The following COP1 variants were observed in gnomAD, a reference collection of about 807,000 sequenced individuals.
COP1 encodes E3 ubiquitin-protein ligase COP1.
A neutral mutation model predicts 101.3 loss-of-function variants in COP1; 24 were observed. The ratio of observed to expected loss-of-function variants is 0.24; its 90% CI spans 0.17 to 0.33. COP1 has a LOEUF of 0.33. COP1 is among the 10% of genes least tolerant of loss of function. The probability of loss-of-function intolerance (pLI) is 1.00; values close to 1 mark genes in which losing one functional copy is unlikely to be tolerated. For synonymous variants in COP1, 347 were observed against 341.9 expected, an observed-to-expected ratio of 1.01 and a Z score of -0.17; for missense variants, 663 against 906.2, an observed-to-expected ratio of 0.73 and a Z score of 3.45.
chr1:175,957,364 A>G (rs1650783231), intron 18 of COP1, among the ~76,000 whole-genome samples: 1 of 151,982 alleles, frequency 6.6e-6, no homozygotes, highest in Admixed American at 6.6e-5. Context: ...TTCTGTGTTT[A>G]GATACACAAA....
In COP1 at chr1:175,995,096, A is replaced by C. The variant is rs183055299; in HGVS notation, c.1730-5617T>G. Reference sequence around the variant, plus strand: ...AGAACTCAGGATTAAGAAACTCACTAAAAACCGCTCAACTACATGGAAAGT... The same window carrying C: ...AGAACTCAGGATTAAGAAACTCACTCAAAACCGCTCAACTACATGGAAAGT... On this transcript the variant is annotated intron_variant, in intron 15 of 19. Transcript: ENST00000367669. Among the ~76,000 whole-genome samples the C allele has an allele frequency of 2.8e-3, 425 of 152,228 alleles. 3 individuals carry two copies. The highest frequency in any genetic ancestry group is 9.3e-3 in the African/African-American group (385 of 41,556).
intron 14 of COP1, among the ~76,000 whole-genome samples, chr1:176,037,690 AACT>A (rs1227082038): frequency 6.6e-6 from 1 of 152,200 alleles, no homozygotes; most frequent in Non-Finnish European, 1.5e-5. Context: ...AATAAAGAGA[AACT>A]ACATGATGAT....
chr1:176,030,479 T>C (rs1206074115), intron 14 of COP1, among the ~76,000 whole-genome samples: 3 of 152,130 alleles, frequency 2.0e-5, no homozygotes, highest in Non-Finnish European at 4.4e-5. Context: ...GTTAATTAAA[T>C]ATAAGTGAGA....
At chr1:176,058,853 A>AT (rs5778887) in intron 11 of COP1, among the ~76,000 whole-genome samples, 103,163 of 151,796 alleles carry the variant, frequency 0.68, 36,602 homozygotes, top group East Asian at 0.92. Context: ...GCCTCCTCAG[A>AT]TCCCATATGT....
rs181635144 is a variant in COP1 at position 176,184,336 on chromosome 1, T to A, written c.467+297A>T. ...GTAATTAGTGCTTCATGGTTGGTCC[T>A]GATTGTCCAGCATCACTAAGAACAG... is the stretch of plus-strand genomic sequence containing the variant. On this transcript the variant is annotated intron_variant, in intron 2 of 19. Transcript: ENST00000367669. Among the ~76,000 whole-genome samples the A allele has an allele frequency of 1.3e-3, 198 of 152,304 alleles. 1 individual carries two copies. Among genetic ancestry groups the A allele is most frequent in the African/African-American group, 4.4e-3 (184 of 41,574 alleles).
intron 15 of COP1, among the ~76,000 whole-genome samples, chr1:176,020,593 G>T (rs1033578767): frequency 6.6e-6 from 1 of 152,064 alleles, no homozygotes; most frequent in African/African-American, 2.4e-5. Flanking sequence ...CAGGAGAATC[G>T]CTCTACCTGT....
chr1:175,995,212 A>C (rs996636663), intron 15 of COP1, among the ~76,000 whole-genome samples: 3 of 152,220 alleles, frequency 2.0e-5, no homozygotes, highest in Non-Finnish European at 4.4e-5. Flanking sequence ...ACAAAGACAC[A>C]ACATACCAGA....
chr1:176,104,275 G>A (rs576950124), intron 9 of COP1, among the ~76,000 whole-genome samples: 77 of 152,084 alleles, frequency 5.1e-4, no homozygotes, highest in Admixed American at 1.2e-3. Flanking sequence ...CATCCTGGTT[G>A]TAGGGAGAAG....
chr1:176,011,993 ACTC>A (rs1307344441), intron 15 of COP1, among the ~76,000 whole-genome samples: 2 of 151,894 alleles, frequency 1.3e-5, no homozygotes, highest in Non-Finnish European at 2.9e-5. Flanking sequence ...TTTAGAGTGT[ACTC>A]CTTCTATTAA....
chr1:176,020,312 G>GA (rs72482029), intron 15 of COP1, among the ~76,000 whole-genome samples: 1,700 of 84,952 alleles, frequency 0.02, 14 homozygotes, highest in Admixed American at 0.045. Flanking sequence ...CTCCATCTCG[G>GA]AAAAAAAAAA....
intron 8 of COP1, among the ~76,000 whole-genome samples, chr1:176,125,470 T>C (rs1687851146): frequency 6.6e-6 from 1 of 152,220 alleles, no homozygotes; most frequent in Non-Finnish European, 1.5e-5. Context: ...AAGCACCATT[T>C]ATTTAAGAGA....
intron 9 of COP1, among the ~76,000 whole-genome samples, chr1:176,105,838 T>C (rs1303869643): frequency 6.6e-6 from 1 of 152,224 alleles, no homozygotes; most frequent in Non-Finnish European, 1.5e-5. Context: ...CTATTAAAGC[T>C]GGTCACATAA....
intron 11 of COP1, among the ~76,000 whole-genome samples, chr1:176,058,832 T>C (rs1044880711): frequency 1.0e-4 from 11 of 109,220 alleles, no homozygotes; most frequent in African/African-American, 2.8e-4. Context: ...CCCTCTGGAA[T>C]GTGGTAACAC....
chr1:176,067,107 A>G (rs1676127742), intron 11 of COP1, among the ~76,000 whole-genome samples: 1 of 152,222 alleles, frequency 6.6e-6, no homozygotes, highest in South Asian at 2.1e-4. Flanking sequence ...TGGTAGATAT[A>G]TGCCATATAT....
At chr1:176,165,841 C>T (rs1695054782) in intron 3 of COP1, among the ~76,000 whole-genome samples, 1 of 152,028 alleles carries the variant, frequency 6.6e-6, no homozygotes. Flanking sequence ...ACTGCAGATA[C>T]CTTACACAAG....
chr1:176,041,214 A>G (rs1237279424), intron 14 of COP1, among the ~76,000 whole-genome samples: 2 of 152,194 alleles, frequency 1.3e-5, no homozygotes, highest in Non-Finnish European at 2.9e-5. Context: ...GGACTTGGTT[A>G]TAAGATAGCA....
chr1:176,004,643 C>G (rs941467780), intron 15 of COP1, among the ~76,000 whole-genome samples: 5 of 151,710 alleles, frequency 3.3e-5, no homozygotes, highest in Admixed American at 3.3e-4. Flanking sequence ...TGTTTATATG[C>G]TGGATTACAT....
chr1:176,106,848 G>A (rs1483251445), intron 9 of COP1, among the ~76,000 whole-genome samples: 3 of 152,266 alleles, frequency 2.0e-5, no homozygotes, highest in Non-Finnish European at 4.4e-5. Flanking sequence ...CAGGCAAGGT[G>A]AATCCATTGA....
At chr1:176,188,615 C>T (rs1698748470) in intron 1 of COP1, among the ~76,000 whole-genome samples, 1 of 152,092 alleles carries the variant, frequency 6.6e-6, no homozygotes, top group Non-Finnish European at 1.5e-5. Flanking sequence ...GTAATTTTCA[C>T]AATATTTCAA....
Sources: gnomAD v4.1 joint callset for allele counts (sites outside exome capture counted in the v4.1 genomes callset) on GRCh38, gnomAD v4.1.1 for gene constraint, MANE v1.5 for transcripts, NCBI Gene and HGNC (gene_info 2026-07-23, HGNC 2026-07-21) for gene names.